Variants in RPS18 observed in about 807,000 individuals in gnomAD.
The protein encoded by RPS18 is ribosomal protein S18.
For missense variants in RPS18, 49 were observed against 200.8 expected (o/e 0.24, Z 4.57); for synonymous variants, 64 against 70.9 (o/e 0.90, Z 0.49).
In RPS18 at chr6:33,272,117, G is replaced by C; in HGVS notation, c.-3G>C. The C allele has an allele frequency of 1.9e-6, 3 of 1,567,996 alleles. No individual in the cohort carries two copies. The highest frequency in any genetic ancestry group is 2.6e-6 in the Non-Finnish European group (3 of 1,156,250). ...CCTACACGCCGCCGCTTGTGCTGCA[G>C]CCATGGTAAGACTGGAATCCGTGCC... On this transcript the variant is annotated 5_prime_UTR_variant, in exon 1 of 6. Coordinates refer to ENST00000439602, the MANE Select transcript of RPS18 (RefSeq NM_022551.3).
intron 4 of RPS18, 44 bp from the exon 5 acceptor site, chr6:33,276,132 A>T (rs766658746): frequency 2.5e-6 from 4 of 1,607,370 alleles, no homozygotes; most frequent in East Asian, 2.2e-5. Context: ...TGGGCATAGG[A>T]GGTCAGGGGA....
chr6:33,274,622 G>A (rs1005754283), intron 2 of RPS18, among the ~76,000 whole-genome samples: 9 of 152,168 alleles, frequency 5.9e-5, no homozygotes, highest in African/African-American at 2.2e-4. Flanking sequence ...GCCTCTTCCT[G>A]TCTTCTGGTG....
In RPS18 at chr6:33,276,278, G is replaced by T; in HGVS notation, c.383+11G>T. ...GCGTCACTTCTGGGGGTGAGTGGGG[G>T]GTCTCATCTCCCTGCCTACCTCGAC... is the stretch of plus-strand genomic sequence containing the variant. On this transcript the variant is annotated intron_variant, in intron 5 of 5. Transcript: ENST00000439602. The T allele has an allele frequency of 6.2e-7, 1 of 1,611,534 alleles. No homozygotes were observed. Among genetic ancestry groups the T allele is most frequent in the Non-Finnish European group, 8.5e-7 (1 of 1,177,724 alleles).
At chr6:33,273,409 GTAGT>G (rs1156975281) in intron 2 of RPS18, among the ~76,000 whole-genome samples, 6 of 151,950 alleles carry the variant, frequency 3.9e-5, no homozygotes, top group East Asian at 1.9e-4. Context: ...GTCAGAATGT[GTAGT>G]TAGTTGTGGA....
At chr6:33,272,264 ACCAAAGATTT>A in intron 1 of RPS18, 142 bp downstream of exon 1, 1 of 949,256 alleles carries the variant, frequency 1.1e-6, no homozygotes, top group Non-Finnish European at 1.6e-6. Flanking sequence ...GGAAAGGGAC[ACCAAAGATTT>A]CCAATTCCGG....
At position 33,272,108 on chromosome 6, in the gene RPS18, T is replaced by A. The variant is rs1248011988; in HGVS notation, c.-12T>A. 1 of 1,568,008 alleles carries A rather than the reference T, an allele frequency of 6.4e-7. No individual in the cohort carries two copies. The highest frequency in any genetic ancestry group is 8.6e-7 in the Non-Finnish European group (1 of 1,156,252). On this transcript the variant is annotated 5_prime_UTR_variant, in exon 1 of 6. Coordinates refer to ENST00000439602, the MANE Select transcript of RPS18 (RefSeq NM_022551.3). ...CACAGGAGGCCTACACGCCGCCGCT[T>A]GTGCTGCAGCCATGGTAAGACTGGA... is the stretch of plus-strand genomic sequence containing the variant.
intron 2 of RPS18, among the ~76,000 whole-genome samples, chr6:33,273,295 G>A (rs1275852053): frequency 1.3e-5 from 2 of 152,080 alleles, no homozygotes; most frequent in Non-Finnish European, 2.9e-5. Context: ...TTTAAGAATC[G>A]AATCAATGAA....
At position 33,276,102 on chromosome 6, in the gene RPS18, G is replaced by GT. The variant is rs1765606371; in HGVS notation, c.291+37dup. Reference sequence around the variant, plus strand: ...AAATGAGGGCAGGATTAGAGGAAGGGTGGAGGGTCCTAACAGAATTGGGCA... The same window carrying GT: ...AAATGAGGGCAGGATTAGAGGAAGGGTTGGAGGGTCCTAACAGAATTGGGCA... On this transcript the variant is annotated intron_variant, in intron 4 of 5. Coordinates refer to ENST00000439602, the MANE Select transcript of RPS18 (RefSeq NM_022551.3). 4 of 1,606,444 alleles carry GT rather than the reference G, an allele frequency of 2.5e-6. No homozygotes were observed. In the African/African-American group the frequency reaches 5.4e-5, roughly 22 times the overall value.
chr6:33,273,384 T>C (rs1765392845), intron 2 of RPS18, among the ~76,000 whole-genome samples: 1 of 152,192 alleles, frequency 6.6e-6, no homozygotes, highest in Non-Finnish European at 1.5e-5. Flanking sequence ...ATAACGTTCT[T>C]TTTTTTTCCC....
chr6:33,275,530 C>G (rs902954642), intron 2 of RPS18: 3 of 472,930 alleles, frequency 6.3e-6, no homozygotes, highest in African/African-American at 5.9e-5. Flanking sequence ...GTTGGCCAGG[C>G]TGGTTTTGAA....
chr6:33,272,227 C>T, intron 1 of RPS18, 105 bp downstream of exon 1: 1 of 1,262,114 alleles, frequency 7.9e-7, no homozygotes, highest in Admixed American at 2.0e-5. Context: ...CTGCGACTTT[C>T]TGTATGGAGC....
At position 33,272,082 on chromosome 6, in the gene RPS18, C is replaced by T. The variant is rs779413500; in HGVS notation, c.-38C>T. 6 of 1,562,220 alleles carry T rather than the reference C, an allele frequency of 3.8e-6. No individual in the cohort carries two copies. In the African/African-American group the frequency reaches 5.4e-5, roughly 14 times the overall value. On this transcript the variant is annotated 5_prime_UTR_variant, in exon 1 of 6. Transcript: ENST00000439602. The stretch of plus-strand genomic sequence containing the variant: ...TATCGCGTCACTTCCGCTCTCTCTT[C>T]CACAGGAGGCCTACACGCCGCCGCT...
At chr6:33,275,483 T>A (rs1206713067) in intron 2 of RPS18, 1 of 321,728 alleles carries the variant, frequency 3.1e-6, no homozygotes, top group African/African-American at 2.2e-5. Context: ...GCTCAGCAAC[T>A]TTTCTTGTAT....
At chr6:33,274,288 A>G (rs1017617445) in intron 2 of RPS18, among the ~76,000 whole-genome samples, 5 of 152,304 alleles carry the variant, frequency 3.3e-5, no homozygotes, top group Non-Finnish European at 7.4e-5. Context: ...CTCGACCTCC[A>G]GGGCTCAAGT....
chr6:33,274,906 A>C (rs1303767532), intron 2 of RPS18, among the ~76,000 whole-genome samples: 1 of 152,236 alleles, frequency 6.6e-6, no homozygotes, highest in Non-Finnish European at 1.5e-5. Flanking sequence ...TCATGAGTTC[A>C]GATGGCATGG....
chr6:33,274,715 C>G (rs458679), intron 2 of RPS18, among the ~76,000 whole-genome samples: 18,807 of 146,902 alleles, frequency 0.13, 1,306 homozygotes, highest in South Asian at 0.2. Context: ...CTCTTCGTGT[C>G]TCTCTCATGA....
intron 2 of RPS18, among the ~76,000 whole-genome samples, chr6:33,274,031 C>G (rs1562595068): frequency 6.6e-6 from 1 of 152,198 alleles, no homozygotes; most frequent in Non-Finnish European, 1.5e-5. Context: ...AATCTTATCT[C>G]ACTGCAACCT....
intron 1 of RPS18, 53 bp from the exon 2 acceptor site, chr6:33,272,575 A>G (rs1008693523): frequency 1.8e-5 from 15 of 844,778 alleles, no homozygotes; most frequent in Non-Finnish European, 3.1e-5. Flanking sequence ...TATCGGCCTT[A>G]CTGTTTGATA....
chr6:33,274,099 G>A (rs1765476141), intron 2 of RPS18, among the ~76,000 whole-genome samples: 1 of 152,124 alleles, frequency 6.6e-6, no homozygotes, highest in South Asian at 2.1e-4. Flanking sequence ...TGTATTTTTA[G>A]AAGAGATGGG....
Sources: allele counts gnomAD v4.1 joint callset (sites outside exome capture counted in the v4.1 genomes callset), GRCh38; gene constraint gnomAD v4.1.1; transcripts MANE v1.5; gene names NCBI Gene and HGNC (gene_info 2026-07-23, HGNC 2026-07-21).